The following SPMIP3 variants were observed in gnomAD, a reference collection of about 807,000 sequenced individuals.
SPMIP3 encodes protein SPMIP3.
chr1:244,389,012 G>A, the SPMIP3 span: 1 of 1,613,940 alleles, frequency 6.2e-7, no homozygotes, highest in East Asian at 2.2e-5. Flanking sequence ...CACTGCCAGA[G>A]CTCTACTGTT....
the SPMIP3 span, among the ~76,000 whole-genome samples, chr1:244,367,918 G>A: frequency 9.9e-4 from 151 of 152,244 alleles, no homozygotes; most frequent in Non-Finnish European, 1.6e-3. Flanking sequence ...CTCCTCATCC[G>A]GGTTTCAGGA....
the SPMIP3 span, among the ~76,000 whole-genome samples, chr1:244,365,401 T>A: frequency 2.0e-5 from 3 of 152,096 alleles, no homozygotes; most frequent in Admixed American, 2.0e-4. Flanking sequence ...TCTCACGAGA[T>A]CTGATGGTTT....
the SPMIP3 span, among the ~76,000 whole-genome samples, chr1:244,359,680 G>A: frequency 1.3e-5 from 2 of 150,484 alleles, no homozygotes; most frequent in Non-Finnish European, 3.0e-5. Flanking sequence ...CCGAGATCAC[G>A]ACATTGCACT....
chr1:244,365,463 CA>C, the SPMIP3 span, among the ~76,000 whole-genome samples: 116 of 152,318 alleles, frequency 7.6e-4, no homozygotes, highest in African/African-American at 2.6e-3. Flanking sequence ...CCATGGAAGA[CA>C]TGCCTTTCCT....
chr1:244,356,889 C>A, the SPMIP3 span, among the ~76,000 whole-genome samples: 1 of 151,146 alleles, frequency 6.6e-6, no homozygotes, highest in Non-Finnish European at 1.5e-5. Flanking sequence ...AATAGACAAC[C>A]CTTCCCTTTC....
chr1:244,354,581 G>A, the SPMIP3 span, among the ~76,000 whole-genome samples: 1 of 152,078 alleles, frequency 6.6e-6, no homozygotes, highest in Non-Finnish European at 1.5e-5. Context: ...GGCTGGTCTC[G>A]AACTCCTGAC....
the SPMIP3 span, chr1:244,375,289 G>A: frequency 5.3e-6 from 6 of 1,132,092 alleles, no homozygotes; most frequent in African/African-American, 1.5e-5. Flanking sequence ...AATACGTTTT[G>A]TATTATGCCG....
the SPMIP3 span, among the ~76,000 whole-genome samples, chr1:244,385,658 C>T: frequency 5.9e-5 from 9 of 152,072 alleles, no homozygotes; most frequent in East Asian, 7.7e-4. Flanking sequence ...TTGAGATACC[C>T]ATATAAAGAA....
At chr1:244,370,297 T>C in the SPMIP3 span, among the ~76,000 whole-genome samples, 6 of 152,228 alleles carry the variant, frequency 3.9e-5, no homozygotes, top group Admixed American at 3.9e-4. Flanking sequence ...GAGATTCTTG[T>C]GGAGCCGGCA....
the SPMIP3 span, among the ~76,000 whole-genome samples, chr1:244,372,222 A>G: frequency 0.028 from 4,326 of 152,182 alleles, 198 homozygotes; most frequent in African/African-American, 0.1. Flanking sequence ...CCCTTTATTC[A>G]GATCACTATT....
chr1:244,375,518 T>C, the SPMIP3 span: 1 of 1,486,162 alleles, frequency 6.7e-7, no homozygotes, highest in Non-Finnish European at 9.4e-7. Context: ...AAAGCTACAA[T>C]GATAAAAAGG....
At chr1:244,377,417 G>A in the SPMIP3 span, among the ~76,000 whole-genome samples, 5 of 152,284 alleles carry the variant, frequency 3.3e-5, no homozygotes, top group Middle Eastern at 3.4e-3. Flanking sequence ...CACCACGCCC[G>A]GCCACAGCAT....
chr1:244,368,361 A>T, the SPMIP3 span, among the ~76,000 whole-genome samples: 3 of 152,230 alleles, frequency 2.0e-5, no homozygotes, highest in Non-Finnish European at 2.9e-5. Flanking sequence ...TTCTAGGTGC[A>T]TCTGAACTCC....
At chr1:244,368,944 G>T in the SPMIP3 span, among the ~76,000 whole-genome samples, 2 of 152,220 alleles carry the variant, frequency 1.3e-5, no homozygotes, top group African/African-American at 2.4e-5. Flanking sequence ...CGGATCATGA[G>T]GTCAAAAGAT....
the SPMIP3 span, among the ~76,000 whole-genome samples, chr1:244,372,160 G>A: frequency 6.6e-6 from 1 of 152,022 alleles, no homozygotes; most frequent in Non-Finnish European, 1.5e-5. Context: ...CAACCCCTTT[G>A]CTTATCCGAG....
chr1:244,369,354 A>T, the SPMIP3 span, among the ~76,000 whole-genome samples: 1 of 150,910 alleles, frequency 6.6e-6, no homozygotes, highest in Non-Finnish European at 1.5e-5. Flanking sequence ...TGTGTGATTT[A>T]AATAGACTTT....
chr1:244,361,373 C>T, the SPMIP3 span, among the ~76,000 whole-genome samples: 956 of 151,890 alleles, frequency 6.3e-3, 6 homozygotes, highest in African/African-American at 0.022. Flanking sequence ...GGATTACAGG[C>T]ATGCGCCACC....
the SPMIP3 span, among the ~76,000 whole-genome samples, chr1:244,363,089 G>A: frequency 6.6e-6 from 1 of 150,718 alleles, no homozygotes; most frequent in Admixed American, 6.7e-5. Flanking sequence ...GTTTGCTTGT[G>A]GCAAGCCATA....
the SPMIP3 span, among the ~76,000 whole-genome samples, chr1:244,374,046 G>C: frequency 2.0e-5 from 3 of 152,132 alleles, no homozygotes; most frequent in Non-Finnish European, 4.4e-5. Flanking sequence ...TCAGGAGGCG[G>C]AGGTTGCAGT....
Sources: gnomAD v4.1 joint callset for allele counts (sites outside exome capture counted in the v4.1 genomes callset) on GRCh38, gnomAD v4.1.1 for gene constraint, MANE v1.5 for transcripts, NCBI Gene and HGNC (gene_info 2026-07-23, HGNC 2026-07-21) for gene names.